Variants in AGBL1 observed in about 807,000 individuals in gnomAD.
AGBL1 encodes the protein cytosolic carboxypeptidase 4.
AGBL1 carries 130 observed loss-of-function variants against 118.9 expected under a neutral mutation model. The observed-to-expected ratio is 1.09, with a 90% confidence interval of 0.95 to 1.26. The LOEUF is 1.26. AGBL1 is among the 50% of genes most tolerant of loss of function. AGBL1 has a pLI of 0.00. For missense variants in AGBL1, 1,584 were observed against 1,298.1 expected, an observed-to-expected ratio of 1.22 and a Z score of -3.38; for synonymous variants, 555 against 478.9, an observed-to-expected ratio of 1.16 and a Z score of -2.08.
At chr15:86,228,429 T>C (rs576197546) in intron 6 of AGBL1, among the ~76,000 whole-genome samples, 6 of 152,248 alleles carry the variant, frequency 3.9e-5, no homozygotes, top group African/African-American at 9.6e-5. Flanking sequence ...TTCTCTGTAA[T>C]TGCATCCCAA....
At chr15:86,216,356 C>T (rs758992284) in intron 5 of AGBL1, among the ~76,000 whole-genome samples, 1 of 152,128 alleles carries the variant, frequency 6.6e-6, no homozygotes, top group Non-Finnish European at 1.5e-5. Context: ...AGGGGAAAAG[C>T]ATTCAATCTT....
intron 7 of AGBL1, among the ~76,000 whole-genome samples, chr15:86,252,424 G>A (rs2142003353): frequency 6.6e-6 from 1 of 152,350 alleles, no homozygotes; most frequent in South Asian, 2.1e-4. Context: ...TGTTTTCTGA[G>A]CTCCTTCTTT....
At chr15:86,100,380 T>C (rs1346531523) in intron 1 of AGBL1, among the ~76,000 whole-genome samples, 1 of 152,174 alleles carries the variant, frequency 6.6e-6, no homozygotes, top group African/African-American at 2.4e-5. Context: ...CTTCAATTTT[T>C]TGGAATAGTT....
intron 18 of AGBL1, among the ~76,000 whole-genome samples, chr15:86,470,768 T>C (rs575969723): frequency 3.9e-5 from 6 of 152,142 alleles, no homozygotes; most frequent in Admixed American, 6.5e-5. Flanking sequence ...AATGCATTTC[T>C]AAGTGTTTTT....
rs1048743549 is a variant in AGBL1, at chr15:86,680,627, G to A, written c.3158+6191G>A. On this transcript the variant is annotated intron_variant, in intron 22 of 22. Transcript: ENST00000614907. ...TGTCACCTAGGCTGGAGTGCAGTGG[G>A]GCAATCTTGGCTCACTACAACCTCT... 1.3e-4 allele frequency among the ~76,000 whole-genome samples: 19 copies of A among 145,504 alleles called. No individual in the cohort carries two copies. The South Asian group carries it at 4.2e-3, about 32-fold the overall frequency.
At chr15:86,471,518 A>C (rs986464020) in intron 18 of AGBL1, among the ~76,000 whole-genome samples, 1 of 140,984 alleles carries the variant, frequency 7.1e-6, no homozygotes. Flanking sequence ...TTTTTTTTAT[A>C]GCTTCCTCAT....
intron 5 of AGBL1, among the ~76,000 whole-genome samples, chr15:86,169,714 T>G (rs1366237601): frequency 2.0e-5 from 3 of 152,234 alleles, no homozygotes; most frequent in African/African-American, 4.8e-5. Flanking sequence ...CTGTTCATAT[T>G]CAGCACAGAT....
In AGBL1 at chr15:86,166,997, G is replaced by A. The variant is rs181187830; in HGVS notation, c.488+7971G>A. ...CTCAGTTTTCCCTCTAGAGACTAGA[G>A]GCAGGCTCTAGGAACTTTCACTTGC... is the stretch of plus-strand genomic sequence containing the variant. On this transcript the variant is annotated intron_variant, in intron 5 of 22. Coordinates refer to ENST00000614907, the MANE Select transcript of AGBL1 (RefSeq NM_001386094.1). Among the ~76,000 whole-genome samples, 455 of 152,230 alleles carry A rather than the reference G, an allele frequency of 3.0e-3. 1 individual carries two copies. Among genetic ancestry groups the A allele is most frequent in the Non-Finnish European group, 5.2e-3 (354 of 68,016 alleles).
intron 19 of AGBL1, among the ~76,000 whole-genome samples, chr15:86,528,016 T>C (rs937128728): frequency 3.9e-5 from 6 of 152,176 alleles, no homozygotes; most frequent in Non-Finnish European, 5.9e-5. Context: ...CTTCATTCAC[T>C]TGCATCATAT....
In AGBL1 at chr15:86,285,762, A is replaced by G. The variant is rs1272713721; in HGVS notation, c.2220+5979A>G. On this transcript the variant is annotated intron_variant, in intron 16 of 22. Coordinates refer to ENST00000614907, the MANE Select transcript of AGBL1 (RefSeq NM_001386094.1). ...TTGTGGAAAATGTAATAATAATAAT[A>G]ACAAATTAAAAGATAACCCATGAGA... 3.9e-5 allele frequency among the ~76,000 whole-genome samples: 6 copies of G among 152,348 alleles called. No homozygotes were observed. In the South Asian group the frequency reaches 1.0e-3, roughly 26 times the overall value.
At chr15:86,541,953 G>A (rs1195999107) in intron 19 of AGBL1, among the ~76,000 whole-genome samples, 6 of 152,108 alleles carry the variant, frequency 3.9e-5, no homozygotes, top group Admixed American at 3.9e-4. Context: ...TAGAAACGTG[G>A]GCAACATGTG....
At chr15:86,621,956 C>T (rs1234963635) in intron 21 of AGBL1, among the ~76,000 whole-genome samples, 4 of 152,054 alleles carry the variant, frequency 2.6e-5, no homozygotes, top group Non-Finnish European at 5.9e-5. Context: ...AGAGATCTAG[C>T]GTTACATCAC....
intron 21 of AGBL1, among the ~76,000 whole-genome samples, chr15:86,657,645 C>G (rs16977893): frequency 0.093 from 14,140 of 152,132 alleles, 1,447 homozygotes; most frequent in African/African-American, 0.24. Context: ...TAATGGTTTT[C>G]CCTAGAAATG....
intron 22 of AGBL1, among the ~76,000 whole-genome samples, chr15:86,896,896 T>A (rs2080137448): frequency 6.6e-6 from 1 of 152,188 alleles, no homozygotes; most frequent in African/African-American, 2.4e-5. Flanking sequence ...CTTCACTATA[T>A]CAATCTTTGG....
chr15:87,027,671 G>A (rs1396547676), intron 24 of AGBL1, among the ~76,000 whole-genome samples: 3 of 151,934 alleles, frequency 2.0e-5, no homozygotes, highest in Non-Finnish European at 4.4e-5. Flanking sequence ...AGAAAATGTG[G>A]TACATATACG....
chr15:86,647,188 C>A (rs1043587658), intron 21 of AGBL1, among the ~76,000 whole-genome samples: 2 of 150,986 alleles, frequency 1.3e-5, no homozygotes, highest in African/African-American at 4.9e-5. Flanking sequence ...ATTTTAATAT[C>A]TTTTTTTTAC....
chr15:86,872,433 A>C (rs1200473905), intron 22 of AGBL1, among the ~76,000 whole-genome samples: 2 of 152,200 alleles, frequency 1.3e-5, no homozygotes, highest in African/African-American at 4.8e-5. Context: ...AAACCCGCTT[A>C]CTATTATTGC....
chr15:86,749,041 G>A (rs1388921748), intron 22 of AGBL1, among the ~76,000 whole-genome samples: 1 of 152,096 alleles, frequency 6.6e-6, no homozygotes, highest in Non-Finnish European at 1.5e-5. Flanking sequence ...TTCCAATTCT[G>A]TGAAGAAAGT....
At chr15:86,320,672 C>T (rs2080091974) in intron 17 of AGBL1, among the ~76,000 whole-genome samples, 1 of 151,874 alleles carries the variant, frequency 6.6e-6, no homozygotes, top group Middle Eastern at 3.4e-3. Context: ...CAAAGAAATG[C>T]TCTTAACGTC....
Sources: allele counts gnomAD v4.1 joint callset (sites outside exome capture counted in the v4.1 genomes callset), GRCh38; gene constraint gnomAD v4.1.1; transcripts MANE v1.5; gene names NCBI Gene and HGNC (gene_info 2026-07-23, HGNC 2026-07-21).